CASTOR2: variants seen among roughly 807,000 people sequenced by gnomAD.
CASTOR2 encodes the protein cytosolic arginine sensor for mTORC1 subunit 2.
A neutral mutation model predicts 31.2 loss-of-function variants in CASTOR2; 8 were observed. That is an observed-to-expected ratio of 0.26 (90% CI 0.15 to 0.46). The LOEUF (loss-of-function observed/expected upper bound fraction) is 0.46, where lower values mean the gene tolerates loss of function less well. CASTOR2 is among the 20% of genes least tolerant of loss of function. CASTOR2 has a pLI of 0.99. For missense variants in CASTOR2, 216 were observed against 382.1 expected, an observed-to-expected ratio of 0.57 and a Z score of 3.62; for synonymous variants, 162 against 158.7, an observed-to-expected ratio of 1.02 and a Z score of -0.16.
chr7:75,000,905 C>T (rs1288855701), intron 1 of CASTOR2, among the ~76,000 whole-genome samples: 2 of 151,944 alleles, frequency 1.3e-5, no homozygotes, highest in Non-Finnish European at 2.9e-5. Context: ...TCAGGTGAGC[C>T]ACCTGCCTCT....
rs1805184809 is a variant in CASTOR2, at chr7:75,027,974, C to A, written c.*3275C>A. On this transcript the variant is annotated 3_prime_UTR_variant, in exon 9 of 9. Transcript: ENST00000616305. ...GAGGGGCATGTGTTTCTCAGAGGGG[C>A]TCCATCCGCAGTTGCATGGAACTCC... 6.6e-7 allele frequency: 1 copy of A among 1,506,276 alleles called. No homozygotes were observed. The highest frequency in any genetic ancestry group is 1.4e-5 in the African/African-American group (1 of 72,362). The allele number at this position is 1,506,276 out of a possible 1,614,324, so 93.3% of individuals were successfully genotyped here.
chr7:74,995,794 C>T (rs1156435055), intron 1 of CASTOR2, among the ~76,000 whole-genome samples: 4 of 148,870 alleles, frequency 2.7e-5, no homozygotes, highest in East Asian at 2.0e-4. Flanking sequence ...GGCAACAGAG[C>T]GAGACTCCAT....
At chr7:75,005,685 G>T (rs1199642886) in intron 1 of CASTOR2, among the ~76,000 whole-genome samples, 2 of 152,202 alleles carry the variant, frequency 1.3e-5, no homozygotes, top group East Asian at 1.9e-4. Flanking sequence ...GTCAATGTGT[G>T]CTGAACTTTA....
rs1362832700 is a variant in CASTOR2 at position 75,024,873 on chromosome 7, G to T, written c.*174G>T. 2 of 1,469,652 alleles carry T rather than the reference G, an allele frequency of 1.4e-6. No homozygotes were observed. The highest frequency in any genetic ancestry group is 1.8e-6 in the Non-Finnish European group (2 of 1,083,574). 91.0% of individuals were successfully genotyped at this position (1,469,652 alleles called of 1,614,324 possible). On this transcript the variant is annotated 3_prime_UTR_variant, in exon 9 of 9. Coordinates refer to ENST00000616305, the MANE Select transcript of CASTOR2 (RefSeq NM_001145064.3). ...CTCCAGGGCAGGGGCCCACGCCAAGGCCTCTCCATGCCCTCCTGCCTTCCC... is the reference window on the plus strand; with the variant it reads ...CTCCAGGGCAGGGGCCCACGCCAAGTCCTCTCCATGCCCTCCTGCCTTCCC...
chr7:75,007,214 G>C (rs1804626484), intron 1 of CASTOR2, among the ~76,000 whole-genome samples: 1 of 152,222 alleles, frequency 6.6e-6, no homozygotes, highest in Admixed American at 6.6e-5. Context: ...AGGGGATGAT[G>C]ACCCCCATCA....
At position 75,029,501 on chromosome 7, in the gene CASTOR2, G is replaced by A. The variant is rs1017267947; in HGVS notation, c.*4802G>A. On this transcript the variant is annotated 3_prime_UTR_variant, in exon 9 of 9. Transcript: ENST00000616305. The stretch of plus-strand genomic sequence containing the variant: ...TGGGATTACAGGCACCCACCACCAC[G>A]CTCGGCTAATTTTTGTATTTTTAGT... 2.6e-5 allele frequency among the ~76,000 whole-genome samples: 4 copies of A among 151,488 alleles called. No individual in the cohort carries two copies. Among genetic ancestry groups the A allele is most frequent in the South Asian group, 2.1e-4 (1 of 4,772 alleles).
At chr7:74,993,800 TAAA>T (rs782362434) in intron 1 of CASTOR2, among the ~76,000 whole-genome samples, 31 of 140,824 alleles carry the variant, frequency 2.2e-4, no homozygotes, top group African/African-American at 2.4e-4. Context: ...TGCCACAGAT[TAAA>T]AAAAAAAAAA....
chr7:74,977,736 A>G (rs1463503505), intron 1 of CASTOR2, among the ~76,000 whole-genome samples: 1 of 150,200 alleles, frequency 6.7e-6, no homozygotes, highest in Non-Finnish European at 1.5e-5. Context: ...GAGTGCAGTG[A>G]TGCAATCTCA....
rs1044838781 is a variant in CASTOR2, at chr7:75,025,381, C to T, written c.*682C>T. Among the ~76,000 whole-genome samples, 4 of 152,196 alleles carry T rather than the reference C, an allele frequency of 2.6e-5. No individual in the cohort carries two copies. Among genetic ancestry groups the T allele is most frequent in the African/African-American group, 9.6e-5 (4 of 41,464 alleles). ...CAAGAGGGCCCTGTCCAGACCCTCC[C>T]CCACAAGCACTCAGTCCTTGGGGGA... is the stretch of plus-strand genomic sequence containing the variant. On this transcript the variant is annotated 3_prime_UTR_variant, in exon 9 of 9. Coordinates refer to ENST00000616305, the MANE Select transcript of CASTOR2 (RefSeq NM_001145064.3).
Position 75,025,674 on chromosome 7 carries a change from G to A in CASTOR2, c.*975G>A, listed in dbSNP as rs2131960578. 6.6e-6 allele frequency among the ~76,000 whole-genome samples: 1 copy of A among 152,378 alleles called. No individual in the cohort carries two copies. Among genetic ancestry groups the A allele is most frequent in the Non-Finnish European group, 1.5e-5 (1 of 68,040 alleles). Reference sequence around the variant, plus strand: ...CTTGGCTGGGGGCTGTGGCATTCATGAGTACTTGACCCAGGAGGCAGCTTA... The same window carrying A: ...CTTGGCTGGGGGCTGTGGCATTCATAAGTACTTGACCCAGGAGGCAGCTTA... On this transcript the variant is annotated 3_prime_UTR_variant, in exon 9 of 9. Coordinates refer to ENST00000616305, the MANE Select transcript of CASTOR2 (RefSeq NM_001145064.3).
chr7:74,985,636 G>A (rs1804045659), intron 1 of CASTOR2, among the ~76,000 whole-genome samples: 1 of 143,778 alleles, frequency 7.0e-6, no homozygotes, highest in Non-Finnish European at 1.5e-5. Context: ...TCTCAGTTCT[G>A]CCCTGATCCT....
chr7:74,993,285 A>G (rs1554437559), intron 1 of CASTOR2, among the ~76,000 whole-genome samples: 1 of 152,110 alleles, frequency 6.6e-6, no homozygotes, highest in Non-Finnish European at 1.5e-5. Context: ...GAAAGAAGTG[A>G]GTTCCCCATC....
At chr7:75,020,552 A>G (rs1554440298) in intron 6 of CASTOR2, among the ~76,000 whole-genome samples, 3,188 of 143,042 alleles carry the variant, frequency 0.022, 43 homozygotes, top group Non-Finnish European at 0.032. Flanking sequence ...GTGCAGTGGC[A>G]CTATCTCGGC....
In CASTOR2 at chr7:75,019,997, G is replaced by T. The variant is rs1220768821; in HGVS notation, c.636-42G>T. 6 of 1,541,708 alleles carry T rather than the reference G, an allele frequency of 3.9e-6. No homozygotes were observed. In the African/African-American group the frequency reaches 6.9e-5, roughly 18 times the overall value. On this transcript the variant is annotated intron_variant, in intron 5 of 8. Transcript: ENST00000616305. ...CTGGGCTGGTGTGAATGGGGCAGGG[G>T]CCACAGGGGCCCCATCTTTACCAGC...
At chr7:75,003,704 T>G (rs1361700350) in intron 1 of CASTOR2, among the ~76,000 whole-genome samples, 1 of 150,308 alleles carries the variant, frequency 6.7e-6, no homozygotes, top group African/African-American at 2.5e-5. Flanking sequence ...GAGCCGAGAT[T>G]GCGCCACTGC....
At chr7:74,993,944 T>A (rs1210669833) in intron 1 of CASTOR2, among the ~76,000 whole-genome samples, 15 of 152,202 alleles carry the variant, frequency 9.9e-5, no homozygotes, top group Non-Finnish European at 4.4e-5. Context: ...CCCCTCTGCC[T>A]TGGGGTTTCA....
intron 1 of CASTOR2, among the ~76,000 whole-genome samples, chr7:74,994,535 G>A (rs1351118722): frequency 6.6e-6 from 1 of 152,166 alleles, no homozygotes; most frequent in African/African-American, 2.4e-5. Flanking sequence ...TGGATCATGA[G>A]ATCAGGAGTT....
intron 1 of CASTOR2, among the ~76,000 whole-genome samples, chr7:74,990,583 G>A (rs1410113486): frequency 2.6e-5 from 4 of 152,078 alleles, no homozygotes; most frequent in African/African-American, 9.6e-5. Context: ...GGCTAGGTGC[G>A]GTGGCTCACG....
intron 2 of CASTOR2, among the ~76,000 whole-genome samples, chr7:75,014,082 C>T (rs1804811224): frequency 1.3e-5 from 2 of 152,202 alleles, no homozygotes; most frequent in African/African-American, 4.8e-5. Context: ...CTGACAGATT[C>T]AGAATAACGT....
Sources: gnomAD v4.1 joint callset for allele counts (sites outside exome capture counted in the v4.1 genomes callset) on GRCh38, gnomAD v4.1.1 for gene constraint, MANE v1.5 for transcripts, NCBI Gene and HGNC (gene_info 2026-07-23, HGNC 2026-07-21) for gene names.